The following AUTS2 variants were observed in gnomAD, a reference collection of about 807,000 sequenced individuals.
AUTS2 encodes autism susceptibility gene 2 protein.
AUTS2 carries 17 observed loss-of-function variants against 112.4 expected under a neutral mutation model. The ratio of observed to expected loss-of-function variants is 0.15; its 90% confidence interval spans 0.10 to 0.23. The LOEUF is 0.23. Ranked by LOEUF, AUTS2 falls within the 10% of genes least tolerant of loss-of-function variation. AUTS2 has a pLI of 1.00. For missense variants in AUTS2, 1,510 were observed against 1,701.6 expected, an observed-to-expected ratio of 0.89 and a Z score of 1.98; for synonymous variants, 751 against 702.7, an observed-to-expected ratio of 1.07 and a Z score of -1.09.
At chr7:70,468,955 C>T (rs1274019372) in intron 5 of AUTS2, among the ~76,000 whole-genome samples, 9 of 152,216 alleles carry the variant, frequency 5.9e-5, no homozygotes, top group African/African-American at 1.7e-4. Flanking sequence ...AGTTGATGGT[C>T]GCTCTACAGT....
chr7:70,078,966 C>G (rs1803171507), intron 2 of AUTS2, among the ~76,000 whole-genome samples: 1 of 152,162 alleles, frequency 6.6e-6, no homozygotes. Flanking sequence ...AAGACTATAT[C>G]TTTGCTTTTT....
At position 70,791,160 on chromosome 7, in the gene AUTS2, G is replaced by T. The variant is rs1791927530; in HGVS notation, c.*164G>T. On this transcript the variant is annotated 3_prime_UTR_variant, in exon 19 of 19. Transcript: ENST00000342771. ...CTCAGTGCACATTTTGAAATGTTTT[G>T]TATATTATATGTTGAGATTTTTCAG... The T allele has an allele frequency of 4.6e-6, 3 of 650,506 alleles. No homozygotes were observed. The East Asian group carries it at 1.0e-4, about 22-fold the overall frequency. 40.3% of individuals were successfully genotyped at this position (650,506 alleles called of 1,614,324 possible). A position where few individuals can be genotyped will look rare whatever the true frequency, so the allele number is the denominator to read the frequency against.
intron 5 of AUTS2, among the ~76,000 whole-genome samples, chr7:70,628,500 G>A (rs1057287879): frequency 1.2e-4 from 19 of 152,006 alleles, no homozygotes; most frequent in Non-Finnish European, 2.8e-4. Flanking sequence ...GTTTTAGCTA[G>A]GATTATAATT....
chr7:70,783,110 AC>A (rs1438874007), intron 15 of AUTS2: 1 of 152,044 alleles, frequency 6.6e-6, no homozygotes, highest in Non-Finnish European at 1.5e-5. Flanking sequence ...ACTGCAAGGC[AC>A]CCCTGGGGGC....
intron 4 of AUTS2, among the ~76,000 whole-genome samples, chr7:70,171,414 C>T (rs188795633): frequency 1.5e-3 from 223 of 152,302 alleles, no homozygotes; most frequent in African/African-American, 5.2e-3. Context: ...TGCCATTAAC[C>T]AGCTTTCATG....
At chr7:70,531,775 C>T (rs547006938) in intron 5 of AUTS2, among the ~76,000 whole-genome samples, 19 of 152,128 alleles carry the variant, frequency 1.2e-4, no homozygotes, top group South Asian at 2.1e-4. Flanking sequence ...TTGGAGGGGA[C>T]AAATATCCAA....
intron 5 of AUTS2, among the ~76,000 whole-genome samples, chr7:70,522,331 G>A (rs1036160081): frequency 1.3e-5 from 2 of 152,166 alleles, no homozygotes; most frequent in East Asian, 3.8e-4. Flanking sequence ...GATTCAGGGG[G>A]TATATGTGTA....
At chr7:70,197,120 T>A (rs1475250461) in intron 4 of AUTS2, among the ~76,000 whole-genome samples, 1 of 152,208 alleles carries the variant, frequency 6.6e-6, no homozygotes, top group Non-Finnish European at 1.5e-5. Context: ...CCCTACTTTT[T>A]GGAGTCAGAA....
At chr7:70,686,007 G>A (rs1225766341) in intron 5 of AUTS2, among the ~76,000 whole-genome samples, 7 of 151,476 alleles carry the variant, frequency 4.6e-5, no homozygotes, top group Non-Finnish European at 8.8e-5. Context: ...GCAAGCCCCC[G>A]CCCCAGCACC....
intron 1 of AUTS2, among the ~76,000 whole-genome samples, chr7:69,801,748 G>A (rs1250981325): frequency 6.6e-6 from 1 of 152,136 alleles, no homozygotes; most frequent in East Asian, 1.9e-4. Context: ...AGACACAACA[G>A]TGAACAAAAC....
intron 3 of AUTS2, among the ~76,000 whole-genome samples, chr7:70,125,379 C>G (rs901579789): frequency 6.6e-6 from 1 of 151,978 alleles, no homozygotes; most frequent in African/African-American, 2.4e-5. Flanking sequence ...AGTACTTTGC[C>G]TAATGCCTAA....
At chr7:70,614,532 T>C (rs909543610) in intron 5 of AUTS2, among the ~76,000 whole-genome samples, 1 of 152,214 alleles carries the variant, frequency 6.6e-6, no homozygotes, top group East Asian at 1.9e-4. Context: ...GTGGTGAAAT[T>C]ATTCCTTCCT....
At chr7:70,078,690 C>A (rs550101773) in intron 2 of AUTS2, among the ~76,000 whole-genome samples, 2 of 152,244 alleles carry the variant, frequency 1.3e-5, no homozygotes, top group South Asian at 4.1e-4. Context: ...TCCCCCCAAC[C>A]CCTGAAGGGA....
intron 4 of AUTS2, among the ~76,000 whole-genome samples, chr7:70,212,386 T>C (rs1378271126): frequency 6.6e-6 from 1 of 151,900 alleles, no homozygotes; most frequent in African/African-American, 2.4e-5. Flanking sequence ...CTCATCCCTC[T>C]GTCAGAATCC....
At chr7:70,262,423 CAA>C (rs1380993980) in intron 4 of AUTS2, among the ~76,000 whole-genome samples, 2 of 152,178 alleles carry the variant, frequency 1.3e-5, no homozygotes, top group African/African-American at 4.8e-5. Flanking sequence ...CTCCTGACGT[CAA>C]GTGATCCACC....
chr7:70,615,760 A>C (rs1349947177), intron 5 of AUTS2, among the ~76,000 whole-genome samples: 2 of 151,944 alleles, frequency 1.3e-5, no homozygotes, highest in South Asian at 2.1e-4. Context: ...GTTCTGTTCA[A>C]ATTTTTTTTT....
intron 1 of AUTS2, among the ~76,000 whole-genome samples, chr7:69,776,328 T>G (rs1027508870): frequency 6.6e-6 from 1 of 152,206 alleles, no homozygotes; most frequent in Non-Finnish European, 1.5e-5. Flanking sequence ...TTTCCTAGTA[T>G]AGAACCAGGA....
chr7:70,492,219 T>C (rs1562990805), intron 5 of AUTS2, among the ~76,000 whole-genome samples: 1 of 152,044 alleles, frequency 6.6e-6, no homozygotes. Context: ...GAGGGTCTCA[T>C]TAGGTCCTCC....
rs187405870 is a variant in AUTS2 at position 70,480,263 on chromosome 7, G to A, written c.690+44482G>A. 1.5e-3 allele frequency among the ~76,000 whole-genome samples: 232 copies of A among 152,310 alleles called. 2 individuals are homozygous for A. The highest frequency in any genetic ancestry group is 7.3e-4 in the Non-Finnish European group (50 of 68,028). ...CAACTTTGAGCCAGGAGTGTGAGCC[G>A]GATTAGCACACTGAGTTGTACTTTA... On this transcript the variant is annotated intron_variant, in intron 5 of 18. Coordinates refer to ENST00000342771, the MANE Select transcript of AUTS2 (RefSeq NM_015570.4).
Sources: allele counts gnomAD v4.1 joint callset (sites outside exome capture counted in the v4.1 genomes callset), GRCh38; gene constraint gnomAD v4.1.1; transcripts MANE v1.5; gene names NCBI Gene and HGNC (gene_info 2026-07-23, HGNC 2026-07-21).